Variants in UGT1A10 observed in about 807,000 individuals in gnomAD.
The protein encoded by UGT1A10 is UDP glucuronosyltransferase family 1 member A10.
UGT1A10 carries 49 observed loss-of-function variants against 45.8 expected under a neutral mutation model. The observed-to-expected ratio is 1.07, with a 90% CI of 0.85 to 1.36. UGT1A10 has a LOEUF of 1.36. Among genes scored for constraint, UGT1A10 ranks in the 40% most tolerant of loss-of-function variants. The pLI is 0.00. For synonymous variants in UGT1A10, 284 were observed against 249.7 expected, an observed-to-expected ratio of 1.14 and a Z score of -1.29; for missense variants, 745 against 668.6, an observed-to-expected ratio of 1.11 and a Z score of -1.26.
At chr2:233,648,699 C>T (rs2073665490) in intron 1 of UGT1A10, 6 of 394,394 alleles carry the variant, frequency 1.5e-5, no homozygotes, top group East Asian at 5.9e-5. Context: ...CTCCTAACCT[C>T]GTGATCCGCC....
chr2:233,669,338 A>G (rs1333808695), intron 1 of UGT1A10, among the ~76,000 whole-genome samples: 1 of 152,088 alleles, frequency 6.6e-6, no homozygotes, highest in African/African-American at 2.4e-5. Context: ...CAGTTTGCCA[A>G]TTTGTACAAA....
rs2073390096 is a variant in UGT1A10, at chr2:233,639,455, T to C, written c.855+2078T>C. On this transcript the variant is annotated intron_variant, in intron 1 of 4. Coordinates refer to ENST00000344644, the MANE Select transcript of UGT1A10 (RefSeq NM_019075.4). ...GAACGATGAACACTGCATATTGCTC[T>C]TTCCTTGTTTCAGATGCCAGGATGT... Among the ~76,000 whole-genome samples the C allele has an allele frequency of 3.3e-5, 5 of 152,364 alleles. No individual in the cohort carries two copies. In the South Asian group the frequency reaches 1.0e-3, roughly 32 times the overall value.
intron 1 of UGT1A10, among the ~76,000 whole-genome samples, chr2:233,702,925 G>T (rs1314769740): frequency 2.0e-5 from 3 of 152,140 alleles, no homozygotes; most frequent in Non-Finnish European, 2.9e-5. Context: ...TTTTCTTGCG[G>T]AGCCTTGGTC....
chr2:233,676,369 G>T lies in UGT1A10; in HGVS notation c.855+38992G>T, dbSNP rs1380710609. On this transcript the variant is annotated intron_variant, in intron 1 of 4. Transcript: ENST00000344644. ...AGAATAAATATAGGATTATAGCAAG[G>T]TTACAACAAATAGTTTAGAGAATTT... 2.0e-5 allele frequency among the ~76,000 whole-genome samples: 3 copies of T among 152,118 alleles called. No homozygotes were observed. In the East Asian group the frequency reaches 5.8e-4, roughly 29 times the overall value.
chr2:233,729,479 A>G, intron 1 of UGT1A10: 2 of 1,614,240 alleles, frequency 1.2e-6, no homozygotes, highest in Non-Finnish European at 1.7e-6. Context: ...GCAATGTTGA[A>G]CAATATGTCT....
At chr2:233,687,029 G>A (rs992387137) in intron 1 of UGT1A10, among the ~76,000 whole-genome samples, 2 of 152,202 alleles carry the variant, frequency 1.3e-5, no homozygotes, top group Non-Finnish European at 2.9e-5. Flanking sequence ...GTGGTTCAAT[G>A]TAGTGTTTGA....
intron 1 of UGT1A10, among the ~76,000 whole-genome samples, chr2:233,739,812 GT>G (rs957981819): frequency 5.3e-5 from 8 of 152,020 alleles, no homozygotes; most frequent in African/African-American, 1.9e-4. Context: ...GGCATGATTG[GT>G]TTTTAAATGT....
intron 1 of UGT1A10, among the ~76,000 whole-genome samples, chr2:233,704,633 C>CT (rs1366925708): frequency 6.6e-6 from 1 of 151,896 alleles, no homozygotes; most frequent in African/African-American, 2.4e-5. Flanking sequence ...TTATATTAAC[C>CT]TTTTTGCTTA....
At chr2:233,717,640 C>T (rs1343576181) in intron 1 of UGT1A10, among the ~76,000 whole-genome samples, 19 of 152,200 alleles carry the variant, frequency 1.2e-4, no homozygotes, top group South Asian at 2.1e-4. Flanking sequence ...CATCCTGGGG[C>T]GACCAGGACA....
At chr2:233,702,416 C>A (rs186724566) in intron 1 of UGT1A10, among the ~76,000 whole-genome samples, 2 of 152,028 alleles carry the variant, frequency 1.3e-5, no homozygotes, top group African/African-American at 4.8e-5. Context: ...ATAGAGATAG[C>A]GTTACTTCTT....
intron 1 of UGT1A10, among the ~76,000 whole-genome samples, chr2:233,639,454 C>T (rs930673308): frequency 6.6e-6 from 1 of 152,220 alleles, no homozygotes; most frequent in Non-Finnish European, 1.5e-5. Context: ...GCATATTGCT[C>T]TTTCCTTGTT....
intron 1 of UGT1A10, chr2:233,717,875 A>G: frequency 2.2e-6 from 1 of 454,872 alleles, no homozygotes; most frequent in Non-Finnish European, 4.4e-6. Flanking sequence ...GACTTGGAGA[A>G]AAGCCTGGCC....
chr2:233,656,471 T>C (rs2073855497), intron 1 of UGT1A10, among the ~76,000 whole-genome samples: 1 of 152,230 alleles, frequency 6.6e-6, no homozygotes, highest in Non-Finnish European at 1.5e-5. Flanking sequence ...AACATTGTTT[T>C]TCTCTAGACC....
At chr2:233,682,196 G>A in intron 1 of UGT1A10, 1 of 1,614,190 alleles carries the variant, frequency 6.2e-7, no homozygotes, top group Non-Finnish European at 8.5e-7. Context: ...GGAGGATCAG[G>A]ACCGGGAGTT....
intron 1 of UGT1A10, chr2:233,754,789 A>G (rs1444380130): frequency 8.4e-7 from 1 of 1,196,426 alleles, no homozygotes; most frequent in African/African-American, 1.6e-5. Context: ...AAGGAACGAA[A>G]TCCTGTATCA....
chr2:233,646,406 A>G (rs1034619756), intron 1 of UGT1A10, among the ~76,000 whole-genome samples: 1 of 152,162 alleles, frequency 6.6e-6, no homozygotes, highest in Admixed American at 6.5e-5. Flanking sequence ...TCCTCAGAAA[A>G]TGGGATTTTC....
chr2:233,749,920 A>G (rs1428594546), intron 1 of UGT1A10, among the ~76,000 whole-genome samples: 1 of 151,914 alleles, frequency 6.6e-6, no homozygotes, highest in Non-Finnish European at 1.5e-5. Flanking sequence ...CTGTGAGTCA[A>G]TTAAAGCTCT....
chr2:233,683,351 C>G (rs1194537365), intron 1 of UGT1A10, among the ~76,000 whole-genome samples: 1 of 152,090 alleles, frequency 6.6e-6, no homozygotes, highest in South Asian at 2.1e-4. Flanking sequence ...GTAGTCTTTA[C>G]TTTGGATGCA....
At chr2:233,689,040 T>C (rs1410007859) in intron 1 of UGT1A10, among the ~76,000 whole-genome samples, 3 of 152,238 alleles carry the variant, frequency 2.0e-5, no homozygotes, top group Non-Finnish European at 4.4e-5. Context: ...AATCCTACTT[T>C]ATGTCTCTTC....
Sources: allele counts gnomAD v4.1 joint callset (sites outside exome capture counted in the v4.1 genomes callset), GRCh38; gene constraint gnomAD v4.1.1; transcripts MANE v1.5; gene names NCBI Gene and HGNC (gene_info 2026-07-23, HGNC 2026-07-21).